Variants in FBXO4 observed in about 807,000 individuals in gnomAD.
The protein encoded by FBXO4 is F-box only protein 4.
A neutral mutation model predicts 43.7 loss-of-function variants in FBXO4; 36 were observed. The observed-to-expected ratio is 0.82, with a 90% CI of 0.63 to 1.09. FBXO4 has a LOEUF of 1.09. Ranked by LOEUF, FBXO4 falls within the 50% of genes least tolerant of loss-of-function variation. FBXO4 has a pLI of 0.00. For synonymous variants in FBXO4, 180 were observed against 165.6 expected, an observed-to-expected ratio of 1.09 and a Z score of -0.67; for missense variants, 435 against 474.1, an observed-to-expected ratio of 0.92 and a Z score of 0.77.
intron 2 of FBXO4, among the ~76,000 whole-genome samples, chr5:41,929,096 T>A (rs1173285677): frequency 3.3e-5 from 5 of 152,184 alleles, no homozygotes; most frequent in African/African-American, 9.7e-5. Flanking sequence ...TGTTAGCAAT[T>A]TTTTTGGTTT....
At chr5:42,017,314 A>T in the FBXO4 span, among the ~76,000 whole-genome samples, 1 of 152,150 alleles carries the variant, frequency 6.6e-6, no homozygotes, top group Non-Finnish European at 1.5e-5. Context: ...ACGGAAGAGA[A>T]ATATAACCAA....
the FBXO4 span, among the ~76,000 whole-genome samples, chr5:41,946,771 A>T: frequency 6.6e-6 from 1 of 152,234 alleles, no homozygotes; most frequent in Admixed American, 6.5e-5. Context: ...CATAGCATTA[A>T]AATTCAAAAA....
At chr5:42,010,254 C>A in the FBXO4 span, among the ~76,000 whole-genome samples, 1 of 152,090 alleles carries the variant, frequency 6.6e-6, no homozygotes, top group African/African-American at 2.4e-5. Flanking sequence ...AATCCCAGCA[C>A]TTTGGGAGGC....
chr5:41,946,893 A>G, the FBXO4 span, among the ~76,000 whole-genome samples: 2 of 152,248 alleles, frequency 1.3e-5, no homozygotes, highest in Non-Finnish European at 2.9e-5. Context: ...GGCTTCTTCA[A>G]GATTTCAAGT....
chr5:41,999,295 G>T, the FBXO4 span, among the ~76,000 whole-genome samples: 1 of 149,976 alleles, frequency 6.7e-6, no homozygotes, highest in East Asian at 2.0e-4. Flanking sequence ...ACCAAGGAAA[G>T]AACTCCATCC....
intron 5 of FBXO4, 196 bp downstream of exon 5, chr5:41,934,504 G>GT: frequency 2.1e-6 from 3 of 1,400,958 alleles, no homozygotes; most frequent in Non-Finnish European, 2.8e-6. Flanking sequence ...TGTTAAACAT[G>GT]TTAACAAGCT....
At chr5:42,030,470 A>G in the FBXO4 span, among the ~76,000 whole-genome samples, 541 of 152,184 alleles carry the variant, frequency 3.6e-3, 4 homozygotes, top group African/African-American at 0.012. Flanking sequence ...GATGGATTAA[A>G]GACTTAAATG....
chr5:42,008,522 C>G, the FBXO4 span, among the ~76,000 whole-genome samples: 1 of 152,090 alleles, frequency 6.6e-6, no homozygotes, highest in Non-Finnish European at 1.5e-5. Context: ...AACTGTGACC[C>G]CTGCTCCTCT....
chr5:41,974,741 T>C, the FBXO4 span, among the ~76,000 whole-genome samples: 1 of 152,250 alleles, frequency 6.6e-6, no homozygotes, highest in East Asian at 1.9e-4. Context: ...AGTTTCAACA[T>C]CTGCATCATA....
chr5:41,927,925 T>A lies in FBXO4; in HGVS notation c.425+677T>A, dbSNP rs1485930582. On this transcript the variant is annotated intron_variant, in intron 2 of 6. Coordinates refer to ENST00000281623, the MANE Select transcript of FBXO4 (RefSeq NM_012176.3). Reference sequence around the variant, plus strand: ...CTCAAAGATATATAATGACATTATATATCTGGATATAGCTTGTTTTTCTGA... The same window carrying A: ...CTCAAAGATATATAATGACATTATAAATCTGGATATAGCTTGTTTTTCTGA... Among the ~76,000 whole-genome samples the A allele has an allele frequency of 3.3e-5, 5 of 152,370 alleles. No homozygotes were observed. The East Asian group carries it at 9.6e-4, about 29-fold the overall frequency.
chr5:42,002,007 T>A, the FBXO4 span, among the ~76,000 whole-genome samples: 5 of 152,198 alleles, frequency 3.3e-5, no homozygotes, highest in Admixed American at 6.5e-5. Context: ...CTTAATTTTT[T>A]AAAAAATAGT....
the FBXO4 span, among the ~76,000 whole-genome samples, chr5:41,964,941 G>C: frequency 6.6e-6 from 1 of 152,062 alleles, no homozygotes; most frequent in Non-Finnish European, 1.5e-5. Context: ...TGGTGTTTTA[G>C]ACATGAAGTC....
chr5:41,966,773 A>C, the FBXO4 span, among the ~76,000 whole-genome samples: 2 of 152,298 alleles, frequency 1.3e-5, no homozygotes, highest in Middle Eastern at 6.8e-3. Flanking sequence ...TTTGGTACCT[A>C]AAATGATTAT....
chr5:41,966,272 C>T, the FBXO4 span, among the ~76,000 whole-genome samples: 1,787 of 151,930 alleles, frequency 0.012, 81 homozygotes, highest in Admixed American at 0.074. Context: ...GTTGTGCACA[C>T]GTACCCTAAA....
chr5:42,034,806 T>G, the FBXO4 span, among the ~76,000 whole-genome samples: 2 of 151,984 alleles, frequency 1.3e-5, no homozygotes, highest in African/African-American at 4.8e-5. Flanking sequence ...ACGATGCCTC[T>G]TAGCTTTGTT....
At chr5:41,936,370 C>T (rs999593750) in intron 5 of FBXO4, among the ~76,000 whole-genome samples, 2 of 152,020 alleles carry the variant, frequency 1.3e-5, no homozygotes, top group Non-Finnish European at 2.9e-5. Context: ...TTGCCTCTAC[C>T]AAGAATACCA....
the FBXO4 span, among the ~76,000 whole-genome samples, chr5:42,003,926 G>A: frequency 3.3e-5 from 5 of 152,076 alleles, no homozygotes; most frequent in African/African-American, 9.7e-5. Flanking sequence ...ACATGTGCAC[G>A]TATATTTATT....
At chr5:42,029,013 C>T in the FBXO4 span, among the ~76,000 whole-genome samples, 3 of 151,924 alleles carry the variant, frequency 2.0e-5, no homozygotes, top group Non-Finnish European at 4.4e-5. Context: ...TTGTGTTTTT[C>T]TGCATGCTTA....
the FBXO4 span, among the ~76,000 whole-genome samples, chr5:41,948,523 T>C: frequency 6.6e-6 from 1 of 152,002 alleles, no homozygotes; most frequent in Non-Finnish European, 1.5e-5. Context: ...AATATTATAC[T>C]ACTTTACATA....
Sources: allele counts gnomAD v4.1 joint callset (sites outside exome capture counted in the v4.1 genomes callset), GRCh38; gene constraint gnomAD v4.1.1; transcripts MANE v1.5; gene names NCBI Gene and HGNC (gene_info 2026-07-23, HGNC 2026-07-21).